Variants in PDS5B observed in about 807,000 individuals in gnomAD.
The protein encoded by PDS5B is PDS5 cohesin associated factor B, also known as sister chromatid cohesion protein PDS5 homolog B.
A neutral mutation model predicts 184.1 loss-of-function variants in PDS5B; 51 were observed. That is an observed-to-expected ratio of 0.28 (90% CI 0.22 to 0.35). The LOEUF is 0.35. Ranked by LOEUF, PDS5B falls within the 10% of genes least tolerant of loss-of-function variation. The pLI is 1.00. For missense variants in PDS5B, 1,180 were observed against 1,723.3 expected (o/e 0.68, Z 5.58); for synonymous variants, 566 against 569.2 (o/e 0.99, Z 0.08).
intron 1 of PDS5B, among the ~76,000 whole-genome samples, chr13:32,606,704 G>T (rs768420886): frequency 6.6e-6 from 1 of 152,162 alleles, no homozygotes; most frequent in South Asian, 2.1e-4. Flanking sequence ...TCAGGTACAC[G>T]AATCAGATGT....
rs551250760 is a variant in PDS5B at position 32,670,218 on chromosome 13, T to G, written c.705+2374T>G. ...TATAGGTTATTTATGTATTAAAATT[T>G]GTTGTTGTTGTTGTTTGAGACAGAG... On this transcript the variant is annotated intron_variant, in intron 7 of 34. Coordinates refer to ENST00000315596, the MANE Select transcript of PDS5B (RefSeq NM_015032.4). 1.2e-4 allele frequency among the ~76,000 whole-genome samples: 19 copies of G among 152,100 alleles called. No homozygotes were observed. The South Asian group carries it at 1.7e-3, about 13-fold the overall frequency.
intron 15 of PDS5B, among the ~76,000 whole-genome samples, chr13:32,699,220 T>A (rs1324823361): frequency 6.6e-6 from 1 of 152,192 alleles, no homozygotes; most frequent in Non-Finnish European, 1.5e-5. Flanking sequence ...TCCCATGCAG[T>A]AATGACTTAC....
intron 1 of PDS5B, among the ~76,000 whole-genome samples, chr13:32,638,257 C>T (rs187899033): frequency 6.3e-4 from 96 of 152,294 alleles, no homozygotes; most frequent in African/African-American, 2.3e-3. Flanking sequence ...GTCATAACGC[C>T]ATCTCAGATT....
chr13:32,770,373 C>CCACCAAAACCTCTTGGTGGAGGTA lies in PDS5B; in HGVS notation c.3886_3909dup (p.Pro1296_Lys1303dup). The CCACCAAAACCTCTTGGTGGAGGTA allele has an allele frequency of 1.9e-6, 3 of 1,613,064 alleles. No individual in the cohort carries two copies. The highest frequency in any genetic ancestry group is 2.5e-6 in the Non-Finnish European group (3 of 1,179,838). On this transcript the variant is annotated inframe_insertion, in exon 32 of 35. Transcript: ENST00000315596. ...GCCAAAAAAGGGTAAAAGAGGCCGA[C>CCACCAAAACCTCTTGGTGGAGGTA]CACCAAAACCTCTTGGTGGAGGTAC...
intron 1 of PDS5B, among the ~76,000 whole-genome samples, chr13:32,604,120 G>C (rs1311056983): frequency 1.3e-5 from 2 of 152,198 alleles, no homozygotes; most frequent in Non-Finnish European, 2.9e-5. Context: ...ATGTTGAATA[G>C]GAGTGGTGAG....
At chr13:32,589,341 C>T (rs1043840704) in intron 1 of PDS5B, among the ~76,000 whole-genome samples, 1 of 152,044 alleles carries the variant, frequency 6.6e-6, no homozygotes, top group African/African-American at 2.4e-5. Context: ...AGTACATTAC[C>T]CTCCATCCCC....
At chr13:32,706,323 T>TAAAG (rs1566352283) in intron 17 of PDS5B, among the ~76,000 whole-genome samples, 1 of 147,488 alleles carries the variant, frequency 6.8e-6, no homozygotes, top group African/African-American at 2.6e-5. Flanking sequence ...AATAAATAAA[T>TAAAG]AAAATAACAT....
At chr13:32,701,471 C>A in intron 17 of PDS5B, 33 bp downstream of exon 17, 2 of 1,283,412 alleles carry the variant, frequency 1.6e-6, no homozygotes, top group Non-Finnish European at 2.2e-6. Context: ...GTTCTCATTG[C>A]TGTTCATTAA....
intron 27 of PDS5B, 96 bp downstream of exon 27, chr13:32,758,315 A>G: frequency 1.8e-6 from 2 of 1,113,566 alleles, no homozygotes; most frequent in Non-Finnish European, 2.5e-6. Context: ...ATAGCATCAA[A>G]TAATTTTTTC....
intron 3 of PDS5B, 128 bp downstream of exon 3, chr13:32,652,135 T>G: frequency 1.6e-6 from 1 of 638,464 alleles, no homozygotes; most frequent in Non-Finnish European, 2.7e-6. Flanking sequence ...AATCTTTTGC[T>G]AAACTTAATG....
In PDS5B at chr13:32,692,418, T is replaced by A. The variant is rs1345953809; in HGVS notation, c.1470-1805T>A. ...AACAAGTTTGCGTCCAAAAAGCCTTTTTTTTTTTTTTTTTTTTTTTTTTTG... is the reference window on the plus strand; with the variant it reads ...AACAAGTTTGCGTCCAAAAAGCCTTATTTTTTTTTTTTTTTTTTTTTTTTG... On this transcript the variant is annotated intron_variant, in intron 13 of 34. Coordinates refer to ENST00000315596, the MANE Select transcript of PDS5B (RefSeq NM_015032.4). 5.7e-4 allele frequency among the ~76,000 whole-genome samples: 64 copies of A among 112,648 alleles called. 2 individuals are homozygous for A. The highest frequency in any genetic ancestry group is 2.0e-3 in the African/African-American group (59 of 29,868). 73.9% of individuals were successfully genotyped at this position (112,648 alleles called of 152,430 possible).
At chr13:32,722,546 A>G (rs572315916) in intron 19 of PDS5B, among the ~76,000 whole-genome samples, 2 of 152,296 alleles carry the variant, frequency 1.3e-5, no homozygotes, top group African/African-American at 4.8e-5. Context: ...AGTAGGCTAT[A>G]CCATCTAGGT....
chr13:32,723,891 C>T (rs1952805155), intron 19 of PDS5B, among the ~76,000 whole-genome samples: 1 of 152,142 alleles, frequency 6.6e-6, no homozygotes, highest in South Asian at 2.1e-4. Context: ...AATTTTCAAA[C>T]ATATACAGAA....
chr13:32,661,385 C>CAAAAAAAAAAAAAAA (rs747985772), intron 6 of PDS5B, among the ~76,000 whole-genome samples: 3 of 32,014 alleles, frequency 9.4e-5, no homozygotes, highest in Non-Finnish European at 1.7e-4. Context: ...GACTCTGTCT[C>CAAAAAAAAAAAAAAA]AAAAAAAAAA....
intron 9 of PDS5B, among the ~76,000 whole-genome samples, chr13:32,677,496 TAGTC>T (rs1271999172): frequency 6.6e-6 from 1 of 152,112 alleles, no homozygotes; most frequent in Non-Finnish European, 1.5e-5. Flanking sequence ...TTTAAGGAGT[TAGTC>T]TTTTAAAAGA....
At chr13:32,702,969 A>G (rs1314599572) in intron 17 of PDS5B, among the ~76,000 whole-genome samples, 1 of 152,220 alleles carries the variant, frequency 6.6e-6, no homozygotes, top group Admixed American at 6.5e-5. Context: ...ATTTTAAAAC[A>G]ACAACCTAAA....
chr13:32,754,937 G>C (rs1459302320), intron 25 of PDS5B, among the ~76,000 whole-genome samples: 1 of 151,988 alleles, frequency 6.6e-6, no homozygotes, highest in Non-Finnish European at 1.5e-5. Context: ...TATAGGCCTG[G>C]AACATAGTAA....
chr13:32,621,809 ATAT>A (rs1158193283), intron 1 of PDS5B, among the ~76,000 whole-genome samples: 1 of 152,160 alleles, frequency 6.6e-6, no homozygotes. Flanking sequence ...ACACCTAATC[ATAT>A]TGTCTGGTTG....
intron 6 of PDS5B, among the ~76,000 whole-genome samples, chr13:32,659,729 TTATGTTTG>T (rs1441346291): frequency 1.3e-5 from 2 of 152,156 alleles, no homozygotes; most frequent in African/African-American, 4.8e-5. Flanking sequence ...AATTAAGATG[TTATGTTTG>T]TATGTTTTTG....
Sources: allele counts gnomAD v4.1 joint callset (sites outside exome capture counted in the v4.1 genomes callset), GRCh38; gene constraint gnomAD v4.1.1; transcripts MANE v1.5; gene names NCBI Gene and HGNC (gene_info 2026-07-23, HGNC 2026-07-21).